CCNE2: variants seen among roughly 807,000 people sequenced by gnomAD.
CCNE2 encodes the protein G1/S-specific cyclin-E2.
In CCNE2, 18 loss-of-function variants were observed where a neutral mutation model predicts 56.8. That is an observed-to-expected ratio of 0.32 (90% CI 0.22 to 0.47). The LOEUF is 0.47. CCNE2 is among the 20% of genes least tolerant of loss of function. The pLI, the probability that CCNE2 is intolerant of heterozygous loss-of-function variation, is 1.00. For synonymous variants in CCNE2, 139 were observed against 149.2 expected, an observed-to-expected ratio of 0.93 and a Z score of 0.50; for missense variants, 371 against 467.1, an observed-to-expected ratio of 0.79 and a Z score of 1.90.
At chr8:94,889,072 C>G (rs538852199) in intron 6 of CCNE2, among the ~76,000 whole-genome samples, 2 of 151,386 alleles carry the variant, frequency 1.3e-5, no homozygotes, top group South Asian at 4.2e-4. Flanking sequence ...CGCTTGAACG[C>G]GAGATGCAGA....
At chr8:94,883,275 CA>C (rs111261848) in intron 9 of CCNE2, among the ~76,000 whole-genome samples, 105 of 98,936 alleles carry the variant, frequency 1.1e-3, no homozygotes, top group Admixed American at 2.1e-3. Context: ...GACTCCGTCT[CA>C]AAAAAAAAAA....
At position 94,882,810 on chromosome 8, in the gene CCNE2, G is replaced by A; in HGVS notation, c.914C>T (p.Thr305Ile). Residue 305 changes from threonine to isoleucine, a missense_variant, in exon 10 of 12, where the codon ACC becomes ATC. Transcript: ENST00000308108. ...ILTAAALCHF[T>I]SIEVVKKASG... is the part of the protein sequence containing the mutation. ...GGCTTTCTTAACCACTTCAATGGAGGTAAAATGGCACAAGGCAGCAGCAGT... is the reference window on the plus strand; with the variant it reads ...GGCTTTCTTAACCACTTCAATGGAGATAAAATGGCACAAGGCAGCAGCAGT... 6.2e-7 allele frequency: 1 copy of A among 1,613,630 alleles called. No homozygotes were observed. The highest frequency in any genetic ancestry group is 8.5e-7 in the Non-Finnish European group (1 of 1,179,622).
In CCNE2 at chr8:94,893,882, C is replaced by G; in HGVS notation, c.165+9G>C. On this transcript the variant is annotated intron_variant, in intron 4 of 11. Transcript: ENST00000308108. ...TCCCCCAAACCCACCCAGCCCAGTT[C>G]TGCATTACCCTAATTTCATACTGAT... 1 of 1,497,492 alleles carries G rather than the reference C, an allele frequency of 6.7e-7. No individual in the cohort carries two copies. Among genetic ancestry groups the G allele is most frequent in the Non-Finnish European group, 9.3e-7 (1 of 1,074,826 alleles). 92.8% of individuals were successfully genotyped at this position (1,497,492 alleles called of 1,614,324 possible). A position where few individuals can be genotyped will look rare whatever the true frequency, so the allele number is the denominator to read the frequency against.
chr8:94,882,043 T>G, intron 11 of CCNE2, 89 bp downstream of exon 11: 1 of 1,266,954 alleles, frequency 7.9e-7, no homozygotes, highest in East Asian at 2.4e-5. Context: ...CCCCTGAAAC[T>G]GCCTGAAGGA....
intron 1 of CCNE2, 95 bp from the exon 2 acceptor site, chr8:94,894,342 C>T (rs949570820): frequency 1.6e-6 from 2 of 1,242,252 alleles, no homozygotes; most frequent in African/African-American, 3.0e-5. Flanking sequence ...AAAGCTCAGT[C>T]CCTCCGAAGG....
At chr8:94,891,955 C>T (rs1324777780) in intron 5 of CCNE2, 6 of 1,095,520 alleles carry the variant, frequency 5.5e-6, no homozygotes, top group African/African-American at 1.5e-5. Flanking sequence ...AGCTCATGGT[C>T]GGATTAACTC....
chr8:94,889,421 A>C (rs1225047646), intron 6 of CCNE2, among the ~76,000 whole-genome samples: 1 of 152,228 alleles, frequency 6.6e-6, no homozygotes, highest in Admixed American at 6.5e-5. Context: ...GTATAACAAA[A>C]AGGAAACAAA....
At chr8:94,885,858 ACAGGT>A (rs1817019084) in intron 7 of CCNE2, among the ~76,000 whole-genome samples, 1 of 149,068 alleles carries the variant, frequency 6.7e-6, no homozygotes, top group Non-Finnish European at 1.5e-5. Context: ...AGCTGGGGTT[ACAGGT>A]GTGTGCCACT....
chr8:94,881,741 T>A lies in CCNE2; in HGVS notation c.1106A>T (p.Glu369Val). ...THTNYLAMLE[E>V]VNYINTFRKG... The stretch of plus-strand genomic sequence containing the variant: ...TCTGAAGGTGTTTATGTAATTTACT[T>A]CCTCCTATACATGGGAAGAAATCAT... Residue 369 changes from glutamate (E) to valine (V), a missense_variant, in exon 12 of 12, where the codon GAA (glutamate) becomes GTA (valine). Coordinates refer to ENST00000308108, the MANE Select transcript of CCNE2 (RefSeq NM_057749.3). 6.2e-7 allele frequency: 1 copy of A among 1,613,774 alleles called. No individual in the cohort carries two copies. The highest frequency in any genetic ancestry group is 8.5e-7 in the Non-Finnish European group (1 of 1,179,796).
At chr8:94,893,111 T>A (rs949794817) in intron 4 of CCNE2, 142 bp from the exon 5 acceptor site, 1 of 616,614 alleles carries the variant, frequency 1.6e-6, no homozygotes, top group African/African-American at 2.0e-5. Context: ...AATTTGACAT[T>A]CACATTTTAT....
chr8:94,881,832 A>C, intron 11 of CCNE2, 87 bp from the exon 12 acceptor site: 1 of 1,486,438 alleles, frequency 6.7e-7, no homozygotes, highest in Non-Finnish European at 9.2e-7. Context: ...ATTTAGGCCT[A>C]ATTTTAATAG....
rs747234663 is a variant in CCNE2 at position 94,888,028 on chromosome 8, G to C, written c.499C>G (p.Gln167Glu). 6.3e-7 allele frequency: 1 copy of C among 1,594,208 alleles called. No individual in the cohort carries two copies. Among genetic ancestry groups the C allele is most frequent in the Non-Finnish European group, 8.6e-7 (1 of 1,169,438 alleles). Residue 167 changes from glutamine (Q) to glutamate (E), a missense_variant, in exon 7 of 12, where the codon CAA (glutamine) becomes GAA (glutamate). By Grantham distance (29) the Gln-to-Glu change is conservative. Coordinates refer to ENST00000308108, the MANE Select transcript of CCNE2 (RefSeq NM_057749.3). ...TLHRETFYLAQDFFDRFMLTQ... is the reference protein window; with the variant it reads ...TLHRETFYLAEDFFDRFMLTQ... ...AACATAAATCTATCAAAAAAGTCTT[G>C]TGCAAGATAAAATGTTTCCCTATGA... is the stretch of plus-strand genomic sequence containing the variant.
rs767275352 is a variant in CCNE2, at chr8:94,881,665, C to A, written c.1182G>T (p.Pro394=). The change falls in exon 12 of 12, where the codon CCG becomes CCT. Residue 394 remains proline (P), a synonymous_variant. Coordinates refer to ENST00000308108, the MANE Select transcript of CCNE2 (RefSeq NM_057749.3). ...PVCNGGIMTP[P]KSTEKPPGKH is the part of the protein sequence containing the mutation. ...TTCCTGGTGGTTTTTCAGTGCTCTT[C>A]GGTGGTGTCATAATGCCTCCATTGC... 6.2e-7 allele frequency: 1 copy of A among 1,613,582 alleles called. No homozygotes were observed. Among genetic ancestry groups the A allele is most frequent in the South Asian group, 1.1e-5 (1 of 91,052 alleles).
intron 4 of CCNE2, 90 bp from the exon 5 acceptor site, chr8:94,893,059 T>C (rs932655964): frequency 2.0e-6 from 2 of 1,017,226 alleles, no homozygotes; most frequent in Non-Finnish European, 2.8e-6. Flanking sequence ...CTAATATGTC[T>C]AAAGAATCAT....
In CCNE2 at chr8:94,882,858, A is replaced by G. The variant is rs1406789927; in HGVS notation, c.866T>C (p.Leu289Ser). 1.2e-6 allele frequency: 2 copies of G among 1,613,234 alleles called. No individual in the cohort carries two copies. The highest frequency in any genetic ancestry group is 2.2e-5 in the East Asian group (1 of 44,858). Residue 289 changes from leucine (L) to serine (S), a missense_variant, in exon 10 of 12, where the codon TTA (leucine) becomes TCA (serine). Coordinates refer to ENST00000308108, the MANE Select transcript of CCNE2 (RefSeq NM_057749.3). The stretch of plus-strand genomic sequence containing the variant: ...AGTCAGTATTCTGTACTGGAACTCT[A>G]ATGAATCAATGGCTAGAATACACAG... ...LDLCILAIDS[L>S]EFQYRILTAA...
chr8:94,881,429 G>GTTTC lies in CCNE2; in HGVS notation c.*199_*202dup, dbSNP rs1184923150. ...GACATCTTTGTAAACAAGTCCTGCT[G>GTTTC]TTTCTTTAACAGCTAACATAGGAAA... On this transcript the variant is annotated 3_prime_UTR_variant, in exon 12 of 12. Coordinates refer to ENST00000308108, the MANE Select transcript of CCNE2 (RefSeq NM_057749.3). The GTTTC allele has an allele frequency of 1.8e-6, 1 of 557,444 alleles. No homozygotes were observed. Among genetic ancestry groups the GTTTC allele is most frequent in the East Asian group, 3.0e-5 (1 of 33,324 alleles). The allele number at this position is 557,444 out of a possible 1,614,324, so 34.5% of individuals were successfully genotyped here. A position where few individuals can be genotyped will look rare whatever the true frequency, so the allele number is the denominator to read the frequency against.
At chr8:94,883,991 A>G (rs2131100378) in intron 9 of CCNE2, 2 of 440,964 alleles carry the variant, frequency 4.5e-6, no homozygotes, top group Non-Finnish European at 9.3e-6. Flanking sequence ...CGGCTTATCA[A>G]AGATTTACCA....
chr8:94,896,641 C>A (rs912366226), upstream of CCNE2: 1 of 151,996 alleles, frequency 6.6e-6, no homozygotes, highest in African/African-American at 2.4e-5. Context: ...GCGAGCCGGA[C>A]GGCGAGCGGG....
At chr8:94,895,850 G>T (rs34293080), upstream of CCNE2, 95,059 of 153,272 alleles carry the variant, frequency 0.62, 30,257 homozygotes, top group East Asian at 0.79. Context: ...CCCAGTCCCG[G>T]TCCGCGACCA....
Sources: allele counts gnomAD v4.1 joint callset (sites outside exome capture counted in the v4.1 genomes callset), GRCh38; gene constraint gnomAD v4.1.1; transcripts MANE v1.5; gene names NCBI Gene and HGNC (gene_info 2026-07-23, HGNC 2026-07-21).